The following CEP112 variants were observed in gnomAD, a reference collection of about 807,000 sequenced individuals.
CEP112 encodes the protein centrosomal protein of 112 kDa.
Under a neutral mutation model 153.0 loss-of-function variants are expected in CEP112, and 127 were observed. That is an observed-to-expected ratio of 0.83 (90% confidence interval 0.72 to 0.96). The LOEUF (loss-of-function observed/expected upper bound fraction) is 0.96. CEP112 is among the 40% of genes least tolerant of loss of function. The pLI, the probability that CEP112 is intolerant of heterozygous loss-of-function variation, is 0.00. For synonymous variants in CEP112, 358 were observed against 374.4 expected, an observed-to-expected ratio of 0.96 and a Z score of 0.51; for missense variants, 1,089 against 1,101.2, an observed-to-expected ratio of 0.99 and a Z score of 0.16.
At chr17:66,168,775 G>T (rs2146821686) in intron 4 of CEP112, among the ~76,000 whole-genome samples, 1 of 152,126 alleles carries the variant, frequency 6.6e-6, no homozygotes, top group East Asian at 1.9e-4. Flanking sequence ...GTGGGCACTT[G>T]GAAATTATAT....
At chr17:65,864,913 AGTGTGTGTGTGT>A (rs6146121) in intron 20 of CEP112, among the ~76,000 whole-genome samples, 3,199 of 144,546 alleles carry the variant, frequency 0.022, 77 homozygotes, top group African/African-American at 0.059. Context: ...GGGGTAAGCA[AGTGTGTGTGTGT>A]GTGTGTGTGT....
intron 19 of CEP112, among the ~76,000 whole-genome samples, chr17:65,912,176 C>G (rs961469256): frequency 6.6e-6 from 1 of 152,146 alleles, no homozygotes; most frequent in African/African-American, 2.4e-5. Context: ...AAGTAGTATT[C>G]CCACTGGCTC....
chr17:65,669,703 A>G (rs919031050), intron 24 of CEP112, among the ~76,000 whole-genome samples: 7 of 152,164 alleles, frequency 4.6e-5, no homozygotes, highest in Non-Finnish European at 1.0e-4. Context: ...GGAGATCGAG[A>G]CCATCCTGGC....
intron 17 of CEP112, among the ~76,000 whole-genome samples, chr17:65,979,863 A>T (rs1308829835): frequency 6.6e-6 from 1 of 152,156 alleles, no homozygotes; most frequent in Non-Finnish European, 1.5e-5. Flanking sequence ...TTGCATGATG[A>T]ATTGGAACAT....
At chr17:65,819,372 C>A (rs775362055) in intron 21 of CEP112, among the ~76,000 whole-genome samples, 12 of 151,816 alleles carry the variant, frequency 7.9e-5, no homozygotes, top group Non-Finnish European at 1.6e-4. Flanking sequence ...AACCCCACAC[C>A]CTCAGCATAA....
At chr17:65,645,708 A>T (rs1272573904) in intron 24 of CEP112, among the ~76,000 whole-genome samples, 2 of 152,230 alleles carry the variant, frequency 1.3e-5, no homozygotes, top group Non-Finnish European at 2.9e-5. Context: ...AAGAACTGTA[A>T]TTAGTCTGAA....
intron 18 of CEP112, among the ~76,000 whole-genome samples, chr17:65,957,161 A>C (rs1403561913): frequency 6.6e-6 from 1 of 152,256 alleles, no homozygotes; most frequent in Non-Finnish European, 1.5e-5. Flanking sequence ...GAAACCATGG[A>C]AAGTGAAACT....
intron 2 of CEP112, among the ~76,000 whole-genome samples, chr17:66,180,565 G>A (rs1182892881): frequency 1.3e-5 from 2 of 152,036 alleles, no homozygotes; most frequent in African/African-American, 4.8e-5. Context: ...CTGATTGATT[G>A]AGGGTTTTAA....
At chr17:65,915,045 G>A (rs772513357) in intron 19 of CEP112, among the ~76,000 whole-genome samples, 2 of 152,068 alleles carry the variant, frequency 1.3e-5, no homozygotes, top group African/African-American at 2.4e-5. Context: ...CACTGCACAC[G>A]GCTTATGGGA....
intron 8 of CEP112, among the ~76,000 whole-genome samples, chr17:66,082,943 T>A (rs921436581): frequency 2.0e-5 from 3 of 152,082 alleles, no homozygotes; most frequent in Non-Finnish European, 4.4e-5. Context: ...CATCTAAGTA[T>A]CTTCTGAACA....
At chr17:66,068,296 C>T (rs575925745) in intron 9 of CEP112, among the ~76,000 whole-genome samples, 4 of 152,104 alleles carry the variant, frequency 2.6e-5, no homozygotes, top group East Asian at 1.9e-4. Flanking sequence ...CAGAAAAGAA[C>T]GGGGCACAGT....
At chr17:66,095,293 CACACACACAT>C (rs761982507) in intron 8 of CEP112, among the ~76,000 whole-genome samples, 3 of 151,986 alleles carry the variant, frequency 2.0e-5, no homozygotes, top group Admixed American at 6.6e-5. Context: ...TACACATACA[CACACACACAT>C]ACACACACAC....
intron 21 of CEP112, among the ~76,000 whole-genome samples, chr17:65,836,264 T>C (rs1568091817): frequency 6.6e-6 from 1 of 151,962 alleles, no homozygotes; most frequent in East Asian, 1.9e-4. Context: ...AGTAAGAAAA[T>C]GGCAGCAGTA....
intron 21 of CEP112, among the ~76,000 whole-genome samples, chr17:65,786,737 C>A (rs1046350950): frequency 6.6e-6 from 1 of 151,976 alleles, no homozygotes; most frequent in Non-Finnish European, 1.5e-5. Context: ...CAGGCATGCA[C>A]CACCACACCC....
intron 23 of CEP112, among the ~76,000 whole-genome samples, chr17:65,723,528 A>G (rs1567918124): frequency 6.6e-6 from 1 of 152,238 alleles, no homozygotes; most frequent in Non-Finnish European, 1.5e-5. Flanking sequence ...AGTTCTCCAG[A>G]TGAGAGAATA....
At chr17:65,826,152 G>A (rs1204762950) in intron 21 of CEP112, 2 of 1,614,082 alleles carry the variant, frequency 1.2e-6, no homozygotes, top group Admixed American at 1.7e-5. Context: ...TTCTCTTTGA[G>A]GTTAGATTTT....
At chr17:65,813,365 G>A (rs1390231395) in intron 21 of CEP112, among the ~76,000 whole-genome samples, 3 of 152,150 alleles carry the variant, frequency 2.0e-5, no homozygotes, top group African/African-American at 7.2e-5. Flanking sequence ...GAGGAATTAG[G>A]AACCCAATCA....
At chr17:65,713,467 G>C (rs935116971) in intron 23 of CEP112, among the ~76,000 whole-genome samples, 1 of 152,122 alleles carries the variant, frequency 6.6e-6, no homozygotes, top group Non-Finnish European at 1.5e-5. Flanking sequence ...GCTACACATT[G>C]GTTCCTAGAA....
At chr17:65,727,212 A>ACTT (rs1233865265) in intron 23 of CEP112, among the ~76,000 whole-genome samples, 1 of 152,080 alleles carries the variant, frequency 6.6e-6, no homozygotes, top group Non-Finnish European at 1.5e-5. Context: ...AAAACTTTGG[A>ACTT]CTTCTGATTT....
Sources: gnomAD v4.1 joint callset for allele counts (sites outside exome capture counted in the v4.1 genomes callset) on GRCh38, gnomAD v4.1.1 for gene constraint, MANE v1.5 for transcripts, NCBI Gene and HGNC (gene_info 2026-07-23, HGNC 2026-07-21) for gene names.